The following DNAH11 variants were observed in gnomAD, a reference collection of about 807,000 sequenced individuals.
DNAH11 encodes the protein axonemal beta dynein heavy chain 11.
A neutral mutation model predicts 526.0 loss-of-function variants in DNAH11; 442 were observed. The ratio of observed to expected loss-of-function variants is 0.84; its 90% CI spans 0.78 to 0.91. The LOEUF is 0.91. Among genes scored for constraint, DNAH11 ranks in the 40% least tolerant of loss-of-function variants. DNAH11 has a pLI of 0.00. For missense variants in DNAH11, 6,989 were observed against 5,448.7 expected, an observed-to-expected ratio of 1.28 and a Z score of -8.90; for synonymous variants, 2,461 against 1,935.9, an observed-to-expected ratio of 1.27 and a Z score of -7.12.
intron 18 of DNAH11, among the ~76,000 whole-genome samples, chr7:21,605,889 T>C (rs1785261582): frequency 6.6e-6 from 1 of 152,228 alleles, no homozygotes; most frequent in Admixed American, 6.5e-5. Flanking sequence ...TTCTGGTACA[T>C]GCTTTGGAGT....
At chr7:21,762,127 C>T (rs1168127828) in intron 54 of DNAH11, among the ~76,000 whole-genome samples, 1 of 152,128 alleles carries the variant, frequency 6.6e-6, no homozygotes, top group African/African-American at 2.4e-5. Flanking sequence ...ATGCTCCAGT[C>T]GCCTCCCAGT....
At chr7:21,829,582 A>G (rs986677595) in intron 65 of DNAH11, among the ~76,000 whole-genome samples, 1 of 152,204 alleles carries the variant, frequency 6.6e-6, no homozygotes, top group African/African-American at 2.4e-5. Flanking sequence ...TTAGATGGCA[A>G]TGGAAAATAG....
intron 6 of DNAH11, among the ~76,000 whole-genome samples, chr7:21,565,733 G>A (rs60600592): frequency 2.4e-3 from 373 of 152,272 alleles, no homozygotes; most frequent in African/African-American, 8.5e-3. Flanking sequence ...GCTATTGCGA[G>A]GATTCAAAGA....
chr7:21,818,694 G>C (rs1017803667), intron 65 of DNAH11, among the ~76,000 whole-genome samples: 1 of 152,088 alleles, frequency 6.6e-6, no homozygotes, highest in Non-Finnish European at 1.5e-5. Context: ...CTTGTACCCT[G>C]TTTAATGTTT....
intron 28 of DNAH11, among the ~76,000 whole-genome samples, chr7:21,646,011 A>C (rs1013048284): frequency 6.6e-6 from 1 of 152,212 alleles, no homozygotes; most frequent in African/African-American, 2.4e-5. Flanking sequence ...TAACAATGCA[A>C]GCTGCAAAGT....
At chr7:21,672,786 C>A (rs1782696656) in intron 30 of DNAH11, among the ~76,000 whole-genome samples, 1 of 152,160 alleles carries the variant, frequency 6.6e-6, no homozygotes, top group Admixed American at 6.5e-5. Flanking sequence ...CACGGTATGG[C>A]CTCTTTCTAC....
In DNAH11 at chr7:21,606,509, C is replaced by G; in HGVS notation, c.3732C>G (p.Val1244=). The change falls in exon 19 of 82, where the codon GTC becomes GTG. Residue 1244 remains valine (V), a synonymous_variant. Coordinates refer to ENST00000409508, the MANE Select transcript of DNAH11 (RefSeq NM_001277115.2). ...HEVSPLHNAE[V]TLIRKKCILF... is the part of the protein sequence containing the mutation. ...TCTCACCTCTCCATAATGCGGAAGTCACTCTTATAAGGAAAAAATGTATTT... is the reference window on the plus strand; with the variant it reads ...TCTCACCTCTCCATAATGCGGAAGTGACTCTTATAAGGAAAAAATGTATTT... 6.2e-7 allele frequency: 1 copy of G among 1,611,018 alleles called. No homozygotes were observed. Among genetic ancestry groups the G allele is most frequent in the Non-Finnish European group, 8.5e-7 (1 of 1,179,236 alleles).
At chr7:21,823,347 A>G (rs1790136970) in intron 65 of DNAH11, among the ~76,000 whole-genome samples, 1 of 152,024 alleles carries the variant, frequency 6.6e-6, no homozygotes. Context: ...TCATACCTGC[A>G]GTTTCCTATA....
At chr7:21,791,680 C>G (rs145596099) in intron 61 of DNAH11, among the ~76,000 whole-genome samples, 1 of 152,294 alleles carries the variant, frequency 6.6e-6, no homozygotes, top group South Asian at 2.1e-4. Flanking sequence ...ATCATTCCCA[C>G]CTATGATTCC....
At chr7:21,884,657 C>T (rs76634105) in intron 76 of DNAH11, among the ~76,000 whole-genome samples, 4,101 of 152,202 alleles carry the variant, frequency 0.027, 194 homozygotes, top group African/African-American at 0.094. Flanking sequence ...GTGAGGCAGC[C>T]TCACATGCAC....
intron 30 of DNAH11, among the ~76,000 whole-genome samples, chr7:21,676,543 A>T (rs537761667): frequency 5.3e-5 from 8 of 152,322 alleles, no homozygotes; most frequent in Middle Eastern, 3.4e-3. Context: ...TTTAATCTTG[A>T]TACACAGTAT....
intron 2 of DNAH11, among the ~76,000 whole-genome samples, chr7:21,553,767 C>A (rs1481172700): frequency 1.3e-5 from 2 of 152,168 alleles, no homozygotes; most frequent in Admixed American, 6.5e-5. Flanking sequence ...CTTGATCTAA[C>A]CTTTTTTTGA....
intron 24 of DNAH11, 113 bp downstream of exon 24, chr7:21,619,335 C>G: frequency 7.9e-7 from 1 of 1,265,444 alleles, no homozygotes; most frequent in African/African-American, 1.5e-5. Flanking sequence ...AGATGAGTCC[C>G]AGTTTGTTCC....
At chr7:21,551,661 T>A (rs1426476505) in intron 2 of DNAH11, among the ~76,000 whole-genome samples, 1 of 152,202 alleles carries the variant, frequency 6.6e-6, no homozygotes, top group Non-Finnish European at 1.5e-5. Flanking sequence ...ATGGCCATTA[T>A]GTCTCTTGCC....
intron 30 of DNAH11, among the ~76,000 whole-genome samples, chr7:21,662,289 G>C (rs775222630): frequency 6.6e-6 from 1 of 152,032 alleles, no homozygotes; most frequent in Non-Finnish European, 1.5e-5. Context: ...ATGCAGAAAA[G>C]CTGAAAGAAT....
chr7:21,781,788 G>T (rs1202569209), intron 57 of DNAH11, among the ~76,000 whole-genome samples: 2 of 152,166 alleles, frequency 1.3e-5, no homozygotes, highest in African/African-American at 4.8e-5. Flanking sequence ...GATTGGGAGG[G>T]TTAAACAGTA....
intron 29 of DNAH11, among the ~76,000 whole-genome samples, chr7:21,658,246 A>G (rs747241597): frequency 6.6e-6 from 1 of 152,162 alleles, no homozygotes; most frequent in Admixed American, 6.6e-5. Context: ...AAGTGTGAAG[A>G]TTAGAGCCAG....
chr7:21,654,348 T>C (rs1781919396), intron 28 of DNAH11, among the ~76,000 whole-genome samples: 1 of 152,212 alleles, frequency 6.6e-6, no homozygotes, highest in South Asian at 2.1e-4. Context: ...ACGTGTGGTA[T>C]ATTGTGACTA....
intron 28 of DNAH11, among the ~76,000 whole-genome samples, chr7:21,644,303 T>C (rs942142832): frequency 6.6e-6 from 1 of 152,188 alleles, no homozygotes. Context: ...TTGGTTATCT[T>C]CCTGATAGAG....
Sources: allele counts gnomAD v4.1 joint callset (sites outside exome capture counted in the v4.1 genomes callset), GRCh38; gene constraint gnomAD v4.1.1; transcripts MANE v1.5; gene names NCBI Gene and HGNC (gene_info 2026-07-23, HGNC 2026-07-21).